The following DMD variants were observed in gnomAD, a reference collection of about 807,000 sequenced individuals.
DMD encodes the protein mutant dystrophin.
DMD carries 63 observed loss-of-function variants against 330.1 expected under a neutral mutation model. The ratio of observed to expected loss-of-function variants is 0.19; its 90% CI spans 0.16 to 0.24. The LOEUF (loss-of-function observed/expected upper bound fraction) is 0.24, where lower values mean the gene tolerates loss of function less well. Ranked by LOEUF, DMD falls within the 10% of genes least tolerant of loss-of-function variation. The pLI is 1.00. For synonymous variants in DMD, 1,223 were observed against 959.8 expected, an observed-to-expected ratio of 1.27 and a Z score of -5.07; for missense variants, 3,344 against 2,684.1, an observed-to-expected ratio of 1.25 and a Z score of -5.43.
chrX:31,562,281 ACATACAGCCTTT>A (rs761328938), intron 55 of DMD, among the ~76,000 whole-genome samples: 1 of 112,053 alleles, frequency 8.9e-6, no homozygotes, highest in African/African-American at 3.2e-5. Flanking sequence ...CACATCCTCT[ACATACAGCCTTT>A]CATACTGGTA....
chrX:32,326,754 A>T (rs1354197849), intron 41 of DMD, among the ~76,000 whole-genome samples: 1 of 110,153 alleles, frequency 9.1e-6, no homozygotes, highest in Non-Finnish European at 1.9e-5. Flanking sequence ...AAAAAATAAA[A>T]AAATTAGCCA....
At chrX:32,715,684 C>T (rs762142252) in intron 7 of DMD, among the ~76,000 whole-genome samples, 7 of 108,799 alleles carry the variant, frequency 6.4e-5, no homozygotes, top group Non-Finnish European at 1.3e-4. Context: ...CCTGTAAATC[C>T]CAGCTACTTG....
At chrX:33,174,419 T>C (rs2049534469) in intron 1 of DMD, among the ~76,000 whole-genome samples, 1 of 112,162 alleles carries the variant, frequency 8.9e-6, no homozygotes, top group South Asian at 3.7e-4. Context: ...TTTTGAGTTA[T>C]TTAAGTGTGT....
chrX:32,625,334 G>C (rs1288097090), intron 11 of DMD, among the ~76,000 whole-genome samples: 1 of 111,538 alleles, frequency 9.0e-6, no homozygotes, highest in Admixed American at 9.5e-5. Flanking sequence ...TGTATGGCTA[G>C]TAAGGCTCAG....
chrX:32,536,549 C>T (rs1216285492), intron 17 of DMD, among the ~76,000 whole-genome samples: 1 of 111,975 alleles, frequency 8.9e-6, no homozygotes, highest in Non-Finnish European at 1.9e-5. Context: ...GAACTGTTTG[C>T]TATTAGTCTG....
chrX:31,451,609 A>G (rs1331790565), intron 59 of DMD, among the ~76,000 whole-genome samples: 2 of 110,256 alleles, frequency 1.8e-5, no homozygotes, highest in Non-Finnish European at 3.8e-5. Flanking sequence ...GTGAATTTTC[A>G]TTACTAACAC....
intron 44 of DMD, among the ~76,000 whole-genome samples, chrX:32,214,023 G>A (rs780398307): frequency 3.6e-5 from 4 of 110,787 alleles, no homozygotes; most frequent in Non-Finnish European, 7.6e-5. Flanking sequence ...ATGTTCATCA[G>A]TTTCAACTAA....
chrX:31,393,243 C>T (rs1354308712), intron 60 of DMD, among the ~76,000 whole-genome samples: 1 of 110,767 alleles, frequency 9.0e-6, no homozygotes, highest in Non-Finnish European at 1.9e-5. Context: ...TTTGGGAGGC[C>T]GAGGCAGGTG....
At chrX:32,870,607 A>G (rs540444961) in intron 2 of DMD, among the ~76,000 whole-genome samples, 2 of 111,250 alleles carry the variant, frequency 1.8e-5, no homozygotes, top group South Asian at 7.8e-4. Flanking sequence ...CATCTTGGAA[A>G]TAAGATCACA....
At chrX:32,478,273 T>C (rs1417185533) in intron 21 of DMD, among the ~76,000 whole-genome samples, 2 of 111,487 alleles carry the variant, frequency 1.8e-5, no homozygotes, top group African/African-American at 6.5e-5. Context: ...GCACTGCACA[T>C]GTGTGAAGAA....
At chrX:33,099,033 C>G (rs1298944952) in intron 1 of DMD, among the ~76,000 whole-genome samples, 1 of 112,022 alleles carries the variant, frequency 8.9e-6, no homozygotes, top group Non-Finnish European at 1.9e-5. Context: ...CATGCCAGGG[C>G]AAATATTTAG....
intron 52 of DMD, among the ~76,000 whole-genome samples, chrX:31,728,913 G>A (rs749638590): frequency 2.9e-4 from 32 of 111,083 alleles, no homozygotes; most frequent in Middle Eastern, 4.6e-3. Context: ...AGCTGACTTG[G>A]ACCTCATTTC....
At chrX:32,472,452 G>T in intron 21 of DMD, 143 bp from the exon 22 acceptor site, 1 of 562,777 alleles carries the variant, frequency 1.8e-6, no homozygotes, top group Non-Finnish European at 2.8e-6. Context: ...TATTTAATAT[G>T]ATTATGAAGA....
intron 2 of DMD, among the ~76,000 whole-genome samples, chrX:32,931,099 T>G (rs2146692160): frequency 9.1e-6 from 1 of 109,304 alleles, no homozygotes; most frequent in African/African-American, 3.3e-5. Context: ...TATATATTCA[T>G]ATGATTCATA....
At chrX:32,000,586 A>G (rs1213546501) in intron 44 of DMD, among the ~76,000 whole-genome samples, 1 of 111,024 alleles carries the variant, frequency 9.0e-6, no homozygotes, top group East Asian at 2.8e-4. Context: ...TATTTAAAGG[A>G]TTTATTTTTC....
intron 16 of DMD, among the ~76,000 whole-genome samples, chrX:32,560,269 A>G (rs2149061397): frequency 9.1e-6 from 1 of 110,303 alleles, no homozygotes; most frequent in East Asian, 2.8e-4. Context: ...AAATACAGTA[A>G]TTACAATTTA....
intron 43 of DMD, among the ~76,000 whole-genome samples, chrX:32,225,943 T>C (rs1156737784): frequency 8.9e-6 from 1 of 111,819 alleles, no homozygotes; most frequent in African/African-American, 3.2e-5. Flanking sequence ...AATCCAGTCC[T>C]TAGTTTTAAT....
At chrX:32,138,725 G>A (rs1317439157) in intron 44 of DMD, among the ~76,000 whole-genome samples, 1 of 111,788 alleles carries the variant, frequency 8.9e-6, no homozygotes, top group Non-Finnish European at 1.9e-5. Context: ...ATATTGAGAG[G>A]CAGAGTTGGA....
chrX:31,286,154 C>T (rs770509973), intron 62 of DMD, among the ~76,000 whole-genome samples: 15 of 112,119 alleles, frequency 1.3e-4, no homozygotes, highest in Admixed American at 3.8e-4. Context: ...TATTCCCAGC[C>T]GCTTGCTACC....
Sources: allele counts gnomAD v4.1 joint callset (sites outside exome capture counted in the v4.1 genomes callset), GRCh38; gene constraint gnomAD v4.1.1; transcripts MANE v1.5; gene names NCBI Gene and HGNC (gene_info 2026-07-23, HGNC 2026-07-21).